H1-6: variants seen among roughly 807,000 people sequenced by gnomAD.
The protein encoded by H1-6 is histone H1t.
For missense variants in H1-6, 538 were observed against 246.5 expected, an observed-to-expected ratio of 2.18 and a Z score of -7.92; for synonymous variants, 225 against 100.1, an observed-to-expected ratio of 2.25 and a Z score of -7.45.
rs369545877 is a variant in H1-6 at position 26,108,025 on chromosome 6, C to T, written c.69G>A (p.Lys23=). ...GVAAMEKLPT[K]KRGRKPAGLI... ...AGCCAGCCGGCTTCCTCCCTCGCTT[C>T]TTGGTTGGAAGTTTCTCCATAGCGG... is the stretch of plus-strand genomic sequence containing the variant. Residue 23 remains lysine, a synonymous_variant, in exon 1 of 1, where the codon AAG becomes AAA. Coordinates refer to ENST00000338379, the MANE Select transcript of H1-6 (RefSeq NM_005323.4). The T allele has an allele frequency of 1.2e-5, 20 of 1,614,110 alleles. 1 individual carries two copies. The highest frequency in any genetic ancestry group is 8.0e-5 in the African/African-American group (6 of 74,932).
At position 26,107,729 on chromosome 6, in the gene H1-6, C is replaced by T. The variant is rs1266737712; in HGVS notation, c.365G>A (p.Ser122Asn). The T allele has an allele frequency of 1.5e-5, 25 of 1,614,030 alleles. No homozygotes were observed. Among genetic ancestry groups the T allele is most frequent in the East Asian group, 2.2e-5 (1 of 44,902 alleles). Residue 122 changes from serine to asparagine, a missense_variant, in exon 1 of 1, where the codon AGC becomes AAC. By Grantham distance (46) the Ser-to-Asn change is conservative. Transcript: ENST00000338379. ...GGCAGAAACTGACTTTTTAGCCTTG[C>T]TTCTGGTAGATTTAGGAATCACCTT... ...SKKVIPKSTRSKAKKSVSAKT... is the reference protein window; with the variant it reads ...SKKVIPKSTRNKAKKSVSAKT...
At position 26,108,036 on chromosome 6, in the gene H1-6, G is replaced by T; in HGVS notation, c.58C>A (p.Leu20Ile). The change falls in exon 1 of 1, where the codon CTT becomes ATT. Residue 20 changes from leucine to isoleucine, a missense_variant. Leu to Ile is a conservative substitution (Grantham distance 5). Transcript: ENST00000338379. Reference protein sequence around the residue: ...ASAGVAAMEKLPTKKRGRKPA... With the variant: ...ASAGVAAMEKIPTKKRGRKPA... ...TTCCTCCCTCGCTTCTTGGTTGGAA[G>T]TTTCTCCATAGCGGCTACACCAGCA... is the stretch of plus-strand genomic sequence containing the variant. The T allele has an allele frequency of 6.2e-7, 1 of 1,614,202 alleles. No individual in the cohort carries two copies. Among genetic ancestry groups the T allele is most frequent in the Non-Finnish European group, 8.5e-7 (1 of 1,180,032 alleles).
rs1347291744 is a variant in H1-6, at chr6:26,107,566, C to T, written c.528G>A (p.Lys176=). The part of the protein sequence containing the change: ...SGRKAKGAKG[K]QQQKSPVKAR... ...CCTTCACTGGGCTCTTCTGCTGTTGCTTACCCTTGGCTCCTTTAGCCTTTC... is the reference window on the plus strand; with the variant it reads ...CCTTCACTGGGCTCTTCTGCTGTTGTTTACCCTTGGCTCCTTTAGCCTTTC... Residue 176 remains lysine, a synonymous_variant, in exon 1 of 1, where the codon AAG becomes AAA. Coordinates refer to ENST00000338379, the MANE Select transcript of H1-6 (RefSeq NM_005323.4). 1 of 1,614,136 alleles carries T rather than the reference C, an allele frequency of 6.2e-7. No homozygotes were observed. Among genetic ancestry groups the T allele is most frequent in the Non-Finnish European group, 8.5e-7 (1 of 1,180,014 alleles).
chr6:26,107,541 C>CCTT lies in H1-6; in HGVS notation c.550_552dup (p.Lys184dup). The CCTT allele has an allele frequency of 6.2e-7, 1 of 1,613,558 alleles. No homozygotes were observed. ...GTCAATTTTGACTTCGAAGCCCTTG[C>CCTT]CTTCACTGGGCTCTTCTGCTGTTGC... On this transcript the variant is annotated inframe_insertion, in exon 1 of 1. Transcript: ENST00000338379.
rs773773977 is a variant in H1-6 at position 26,107,857 on chromosome 6, C to T, written c.237G>A (p.Lys79=). The part of the protein sequence containing the change: ...ALAAAGYDVE[K]NNSRIKLSLK... The stretch of plus-strand genomic sequence containing the variant: ...GGGACAGTTTGATGCGGCTGTTATT[C>T]TTCTCTACGTCGTAGCCAGCAGCGG... Residue 79 remains lysine, a synonymous_variant, in exon 1 of 1, where the codon AAG becomes AAA. Transcript: ENST00000338379. 3.0e-5 allele frequency: 49 copies of T among 1,614,112 alleles called. No individual in the cohort carries two copies. The African/African-American group carries it at 5.3e-4, about 18-fold the overall frequency.
chr6:26,107,642 T>C lies in H1-6; in HGVS notation c.452A>G (p.Lys151Arg), dbSNP rs765165490. 2 of 1,614,170 alleles carry C rather than the reference T, an allele frequency of 1.2e-6. No individual in the cohort carries two copies. Among genetic ancestry groups the C allele is most frequent in the East Asian group, 2.2e-5 (1 of 44,882 alleles). Residue 151 changes from lysine to arginine, a missense_variant, in exon 1 of 1, where the codon AAG becomes AGG. Transcript: ENST00000338379. ...TGTCGCTCTCGGCTTCTTGGCTCTCTTATTGGTTTTAGCAGTCTTTGGTGA... is the reference window on the plus strand; with the variant it reads ...TGTCGCTCTCGGCTTCTTGGCTCTCCTATTGGTTTTAGCAGTCTTTGGTGA... The part of the protein sequence containing the change: ...SKSPKTAKTN[K>R]RAKKPRATTP...
At position 26,108,133 on chromosome 6, in the gene H1-6, C is replaced by G. The variant is rs764548560; in HGVS notation, c.-40G>C. ...GCAAGATGTAATAACCAGCGAAAAG[C>G]ATGAAACACCCGGGCGGCCTCGGGG... is the stretch of plus-strand genomic sequence containing the variant. On this transcript the variant is annotated 5_prime_UTR_variant, in exon 1 of 1. It removes an upstream start codon present in the reference 5' UTR. Transcript: ENST00000338379. The G allele has an allele frequency of 6.3e-7, 1 of 1,597,992 alleles. No individual in the cohort carries two copies. The highest frequency in any genetic ancestry group is 1.7e-5 in the Admixed American group (1 of 58,842).
At position 26,107,669 on chromosome 6, in the gene H1-6, T is replaced by TTGGA; in HGVS notation, c.421_424dup (p.Lys142IlefsTer8). ...ATTGGTTTTAGCAGTCTTTGGTGACTTGGAGTCCCTGGATAAAACCAGCTT... is the reference window on the plus strand; with the variant it reads ...ATTGGTTTTAGCAGTCTTTGGTGACTTGGATGGAGTCCCTGGATAAAACCAGCTT... On this transcript the variant is annotated frameshift_variant, in exon 1 of 1. Transcript: ENST00000338379. LOFTEE classifies it low-confidence loss of function (END_TRUNC). 6.2e-7 allele frequency: 1 copy of TTGGA among 1,614,206 alleles called. No individual in the cohort carries two copies. Among genetic ancestry groups the TTGGA allele is most frequent in the East Asian group, 2.2e-5 (1 of 44,880 alleles).
Position 26,108,053 on chromosome 6 carries a change from A to G in H1-6, c.41T>C (p.Val14Ala). The change falls in exon 1 of 1, where the codon GTA becomes GCA. Residue 14 changes from valine (V) to alanine (A), a missense_variant. Transcript: ENST00000338379. ...TVPAASASAG[V>A]AAMEKLPTKK... ...GGTTGGAAGTTTCTCCATAGCGGCT[A>G]CACCAGCACTGGCAGAAGCTGCAGG... 6.2e-7 allele frequency: 1 copy of G among 1,614,170 alleles called. No individual in the cohort carries two copies.
At position 26,107,915 on chromosome 6, in the gene H1-6, C is replaced by CCTACT; in HGVS notation, c.174_178dup (p.Gly60GlufsTer2). The CCTACT allele has an allele frequency of 6.2e-7, 1 of 1,614,206 alleles. No homozygotes were observed. ...CTTCTTGAGCGCAACCAAAGACATA[C>CCTACT]CTACTCGTTCCTGTGACACTGAAAG... On this transcript the variant is annotated stop_gained and frameshift_variant, in exon 1 of 1. Coordinates refer to ENST00000338379, the MANE Select transcript of H1-6 (RefSeq NM_005323.4). LOFTEE classifies it low-confidence loss of function (END_TRUNC).
At position 26,107,956 on chromosome 6, in the gene H1-6, C is replaced by G. The variant is rs1420597301; in HGVS notation, c.138G>C (p.Lys46Asn). 6 of 1,614,118 alleles carry G rather than the reference C, an allele frequency of 3.7e-6. No homozygotes were observed. In the East Asian group the frequency reaches 1.1e-4, roughly 30 times the overall value. The change falls in exon 1 of 1, where the codon AAG becomes AAC. Residue 46 changes from lysine (K) to asparagine (N), a missense_variant. By Grantham distance (94) the Lys-to-Asn change is moderately conservative. Transcript: ENST00000338379. ...ACACTGAAAGGGCCTCGGTGATCAA[C>G]TTGGACACAGAGAGGTTCGGCACTT... ...SRKVPNLSVS[K>N]LITEALSVSQ...
Position 26,107,924 on chromosome 6 carries a change from TC to T in H1-6, c.169del (p.Glu57AsnfsTer3). 1.2e-6 allele frequency: 2 copies of T among 1,614,198 alleles called. No individual in the cohort carries two copies. Among genetic ancestry groups the T allele is most frequent in the Non-Finnish European group, 8.5e-7 (1 of 1,180,040 alleles). On this transcript the variant is annotated frameshift_variant, in exon 1 of 1. Coordinates refer to ENST00000338379, the MANE Select transcript of H1-6 (RefSeq NM_005323.4). LOFTEE classifies it low-confidence loss of function (END_TRUNC). The part of the protein sequence containing the change: ...LITEALSVSQ[E>X]RVGMSLVALK... ...CGCAACCAAAGACATACCTACTCGT[TC>T]CTGTGACACTGAAAGGGCCTCGGTG...
In H1-6 at chr6:26,107,654, G is replaced by A. The variant is rs185203065; in HGVS notation, c.440C>T (p.Ala147Val). 1.5e-5 allele frequency: 25 copies of A among 1,614,094 alleles called. No homozygotes were observed. Among genetic ancestry groups the A allele is most frequent in the African/African-American group, 1.2e-4 (9 of 75,002 alleles). Reference protein sequence around the residue: ...LSRDSKSPKTAKTNKRAKKPR... With the variant: ...LSRDSKSPKTVKTNKRAKKPR... ...CTTCTTGGCTCTCTTATTGGTTTTA[G>A]CAGTCTTTGGTGACTTGGAGTCCCT... Residue 147 changes from alanine (A) to valine (V), a missense_variant, in exon 1 of 1, where the codon GCT becomes GTT. Ala to Val is a moderately conservative substitution (Grantham distance 64). Coordinates refer to ENST00000338379, the MANE Select transcript of H1-6 (RefSeq NM_005323.4).
rs747223544 is a variant in H1-6 at position 26,108,124 on chromosome 6, A to G, written c.-31T>C. On this transcript the variant is annotated 5_prime_UTR_variant, in exon 1 of 1. Transcript: ENST00000338379. ...CAGAGAAACGCAAGATGTAATAACC[A>G]GCGAAAAGCATGAAACACCCGGGCG... 3 of 1,604,072 alleles carry G rather than the reference A, an allele frequency of 1.9e-6. No homozygotes were observed. Among genetic ancestry groups the G allele is most frequent in the Non-Finnish European group, 8.5e-7 (1 of 1,174,926 alleles).
Position 26,107,835 on chromosome 6 carries a change from A to T in H1-6, c.259T>A (p.Ser87Thr). The T allele has an allele frequency of 6.2e-7, 1 of 1,614,200 alleles. No individual in the cohort carries two copies. Among genetic ancestry groups the T allele is most frequent in the Non-Finnish European group, 8.5e-7 (1 of 1,180,038 alleles). The change falls in exon 1 of 1, where the codon TCC becomes ACC. Residue 87 changes from serine to threonine, a missense_variant. Transcript: ENST00000338379. ...VEKNNSRIKLSLKSLVNKGIL... is the reference protein window; with the variant it reads ...VEKNNSRIKLTLKSLVNKGIL... ...CCCTTGTTCACTAAGCTCTTGAGGGACAGTTTGATGCGGCTGTTATTCTTC... is the reference window on the plus strand; with the variant it reads ...CCCTTGTTCACTAAGCTCTTGAGGGTCAGTTTGATGCGGCTGTTATTCTTC...
rs201806409 is a variant in H1-6, at chr6:26,108,126, C to T, written c.-33G>A. The T allele has an allele frequency of 1.8e-5, 29 of 1,602,518 alleles. No individual in the cohort carries two copies. Among genetic ancestry groups the T allele is most frequent in the East Asian group, 1.6e-4 (7 of 44,768 alleles). ...GAGAAACGCAAGATGTAATAACCAG[C>T]GAAAAGCATGAAACACCCGGGCGGC... is the stretch of plus-strand genomic sequence containing the variant. On this transcript the variant is annotated 5_prime_UTR_variant, in exon 1 of 1. Coordinates refer to ENST00000338379, the MANE Select transcript of H1-6 (RefSeq NM_005323.4).
Position 26,107,510 on chromosome 6 carries a change from T to C in H1-6, c.584A>G (p.His195Arg). The change falls in exon 1 of 1, where the codon CAT becomes CGT. Residue 195 changes from histidine to arginine, a missense_variant. His to Arg is a conservative substitution (Grantham distance 29). Transcript: ENST00000338379. ...GGCCTTTCTAACATTAACTTCATGA[T>C]GTTGGGTCAATTTTGACTTCGAAGC... The part of the protein sequence containing the change: ...ARASKSKLTQ[H>R]HEVNVRKATS... The C allele has an allele frequency of 1.2e-6, 2 of 1,609,804 alleles. No homozygotes were observed. The highest frequency in any genetic ancestry group is 1.7e-6 in the Non-Finnish European group (2 of 1,178,720).
At position 26,107,412 on chromosome 6, in the gene H1-6, T is replaced by G. The variant is rs927179243; in HGVS notation, c.*58A>C. 8.6e-5 allele frequency: 120 copies of G among 1,398,562 alleles called. No homozygotes were observed. The highest frequency in any genetic ancestry group is 1.1e-4 in the Non-Finnish European group (114 of 1,024,786). The allele number at this position is 1,398,562 out of a possible 1,614,324, so 86.6% of individuals were successfully genotyped here. A position where few individuals can be genotyped will look rare whatever the true frequency, so the allele number is the denominator to read the frequency against. ...AGTGTTACGCCATCTTAAAATAATGTGGGTGGCTCTTAAAAGAGCCTTTGG... is the reference window on the plus strand; with the variant it reads ...AGTGTTACGCCATCTTAAAATAATGGGGGTGGCTCTTAAAAGAGCCTTTGG... On this transcript the variant is annotated 3_prime_UTR_variant, in exon 1 of 1. Transcript: ENST00000338379.
chr6:26,108,077 G>C lies in H1-6; in HGVS notation c.17C>G (p.Pro6Arg). Residue 6 changes from proline to arginine, a missense_variant, in exon 1 of 1, where the codon CCT becomes CGT. Physicochemically the swap from Pro to Arg is moderately radical, Grantham distance 103. Transcript: ENST00000338379. ...TACACCAGCACTGGCAGAAGCTGCA[G>C]GCACGGTTTCAGACATAACAACAGA... Reference protein sequence around the residue: MSETVPAASASAGVAA... With the variant: MSETVRAASASAGVAA... The C allele has an allele frequency of 1.2e-6, 2 of 1,614,098 alleles. No homozygotes were observed. The highest frequency in any genetic ancestry group is 1.3e-5 in the African/African-American group (1 of 75,044).
Sources: gnomAD v4.1 joint callset for allele counts on GRCh38, gnomAD v4.1.1 for gene constraint, MANE v1.5 for transcripts, NCBI Gene and HGNC (gene_info 2026-07-23, HGNC 2026-07-21) for gene names.